The following GRIN2A variants were observed in gnomAD, a reference collection of about 807,000 sequenced individuals.
GRIN2A encodes glutamate ionotropic receptor NMDA type subunit 2A, also known as glutamate receptor ionotropic, NMDA 2A.
Under a neutral mutation model 113.4 loss-of-function variants are expected in GRIN2A, and 22 were observed. The observed-to-expected ratio is 0.19, with a 90% CI of 0.14 to 0.28. GRIN2A has a LOEUF of 0.28. GRIN2A is among the 10% of genes least tolerant of loss of function. GRIN2A has a pLI of 1.00. For synonymous variants in GRIN2A, 827 were observed against 738.4 expected (o/e 1.12, Z -1.94); for missense variants, 1,502 against 1,887.0 (o/e 0.80, Z 3.78).
chr16:10,044,377 A>G (rs1447141351), intron 2 of GRIN2A, among the ~76,000 whole-genome samples: 1 of 151,746 alleles, frequency 6.6e-6, no homozygotes, highest in African/African-American at 2.4e-5. Flanking sequence ...TTTTAAAATC[A>G]TGTGTACATG....
At chr16:10,020,152 G>A (rs1005350431) in intron 2 of GRIN2A, among the ~76,000 whole-genome samples, 5 of 152,178 alleles carry the variant, frequency 3.3e-5, no homozygotes, top group African/African-American at 7.2e-5. Flanking sequence ...AGTGGCTCAC[G>A]CCTGTAATCC....
At chr16:9,867,023 G>A (rs1366684512) in intron 4 of GRIN2A, among the ~76,000 whole-genome samples, 1 of 152,058 alleles carries the variant, frequency 6.6e-6, no homozygotes, top group Non-Finnish European at 1.5e-5. Context: ...TAGTCTATTT[G>A]TTCATGCCTT....
intron 11 of GRIN2A, among the ~76,000 whole-genome samples, chr16:9,773,391 G>T (rs1407582956): frequency 6.6e-6 from 1 of 152,152 alleles, no homozygotes; most frequent in Non-Finnish European, 1.5e-5. Flanking sequence ...CCAAGGAGTG[G>T]CTCTATGATA....
chr16:9,785,699 A>G (rs1355276770), intron 11 of GRIN2A, among the ~76,000 whole-genome samples: 1 of 152,148 alleles, frequency 6.6e-6, no homozygotes, highest in African/African-American at 2.4e-5. Flanking sequence ...AATTTAGAAC[A>G]CTAGATAAAA....
At chr16:9,765,696 G>T (rs1209521750) in intron 12 of GRIN2A, among the ~76,000 whole-genome samples, 1 of 152,298 alleles carries the variant, frequency 6.6e-6, no homozygotes, top group African/African-American at 2.4e-5. Context: ...AACCCCTGGA[G>T]CCACTCCCTT....
intron 2 of GRIN2A, among the ~76,000 whole-genome samples, chr16:10,009,596 T>C (rs2046466459): frequency 6.6e-6 from 1 of 152,024 alleles, no homozygotes; most frequent in Non-Finnish European, 1.5e-5. Flanking sequence ...GGGGTTGCAA[T>C]AGAGTCTGTG....
intron 4 of GRIN2A, among the ~76,000 whole-genome samples, chr16:9,873,559 AAC>A (rs1398095633): frequency 6.7e-6 from 1 of 148,308 alleles, no homozygotes; most frequent in African/African-American, 2.5e-5. Context: ...CAACAACAAC[AAC>A]AACAAACAAA....
At position 9,762,659 on chromosome 16, in the gene GRIN2A, C is replaced by A; in HGVS notation, c.*490G>T. On this transcript the variant is annotated 3_prime_UTR_variant, in exon 13 of 13. Transcript: ENST00000330684. ...TTCCTAATCTCTTGCACATGTCAAT[C>A]GCACTACAGTGCAGATGCATTCTTA... 4.0e-6 allele frequency: 1 copy of A among 250,698 alleles called. No homozygotes were observed. Among genetic ancestry groups the A allele is most frequent in the Non-Finnish European group, 7.8e-6 (1 of 128,130 alleles). 15.5% of individuals were successfully genotyped at this position (250,698 alleles called of 1,614,324 possible).
At position 9,758,884 on chromosome 16, in the gene GRIN2A, A is replaced by G. The variant is rs1900464650; in HGVS notation, c.*4265T>C. 4.6e-6 allele frequency: 1 copy of G among 219,324 alleles called. No individual in the cohort carries two copies. Among genetic ancestry groups the G allele is most frequent in the African/African-American group, 2.2e-5 (1 of 44,658 alleles). The allele number at this position is 219,324 out of a possible 1,614,324, so 13.6% of individuals were successfully genotyped here. ...AATTTTGTCTCCAGTGAAAATAAAC[A>G]GTACTTTTGGAAGGAAAATTGCCTT... On this transcript the variant is annotated 3_prime_UTR_variant, in exon 13 of 13. Coordinates refer to ENST00000330684, the MANE Select transcript of GRIN2A (RefSeq NM_001134407.3).
At chr16:9,933,260 G>A (rs909158869) in intron 3 of GRIN2A, among the ~76,000 whole-genome samples, 5 of 152,012 alleles carry the variant, frequency 3.3e-5, no homozygotes, top group Admixed American at 1.3e-4. Context: ...ACGGTTGGGT[G>A]TAAGGTCATG....
intron 2 of GRIN2A, among the ~76,000 whole-genome samples, chr16:10,090,588 A>C (rs368089823): frequency 6.6e-6 from 1 of 152,194 alleles, no homozygotes. Flanking sequence ...TCCTTGAAAA[A>C]AAAATTAGAG....
At chr16:9,837,901 A>C (rs922624912) in intron 7 of GRIN2A, among the ~76,000 whole-genome samples, 1 of 152,224 alleles carries the variant, frequency 6.6e-6, no homozygotes, top group African/African-American at 2.4e-5. Flanking sequence ...AATTGAAGCA[A>C]CGAGTGCAAA....
chr16:9,840,200 C>A (rs1322349622), intron 7 of GRIN2A, among the ~76,000 whole-genome samples: 1 of 152,010 alleles, frequency 6.6e-6, no homozygotes, highest in Non-Finnish European at 1.5e-5. Context: ...GCTGGGGAGT[C>A]CCCAGGAAAC....
At chr16:10,120,846 C>T (rs956934556) in intron 2 of GRIN2A, among the ~76,000 whole-genome samples, 1 of 152,036 alleles carries the variant, frequency 6.6e-6, no homozygotes, top group Non-Finnish European at 1.5e-5. Flanking sequence ...ACTCCCCTGC[C>T]CCATGGTCCC....
chr16:9,975,514 C>T (rs148296783), intron 2 of GRIN2A, among the ~76,000 whole-genome samples: 50 of 152,278 alleles, frequency 3.3e-4, no homozygotes, highest in Admixed American at 3.1e-3. Context: ...AGCCTGCCAT[C>T]CACAGACTGC....
At chr16:10,050,483 G>A (rs1403856535) in intron 2 of GRIN2A, among the ~76,000 whole-genome samples, 4 of 151,988 alleles carry the variant, frequency 2.6e-5, no homozygotes, top group Non-Finnish European at 4.4e-5. Flanking sequence ...CAACCCTATT[G>A]TGAACTGCAC....
chr16:9,863,122 T>C (rs141837766), intron 4 of GRIN2A, among the ~76,000 whole-genome samples: 1 of 152,208 alleles, frequency 6.6e-6, no homozygotes, highest in Admixed American at 6.5e-5. Flanking sequence ...CAGGAGCTGT[T>C]ACCACTGCCT....
At chr16:9,952,156 A>G (rs2045200416) in intron 2 of GRIN2A, among the ~76,000 whole-genome samples, 1 of 152,134 alleles carries the variant, frequency 6.6e-6, no homozygotes, top group Non-Finnish European at 1.5e-5. Context: ...AAAGAAAGTC[A>G]TGGAGCCACA....
chr16:9,986,571 T>G (rs2045982490), intron 2 of GRIN2A, among the ~76,000 whole-genome samples: 1 of 152,044 alleles, frequency 6.6e-6, no homozygotes, highest in Admixed American at 6.5e-5. Flanking sequence ...GAGACCAGTC[T>G]GGTCAACATA....
Sources: allele counts gnomAD v4.1 joint callset (sites outside exome capture counted in the v4.1 genomes callset), GRCh38; gene constraint gnomAD v4.1.1; transcripts MANE v1.5; gene names NCBI Gene and HGNC (gene_info 2026-07-23, HGNC 2026-07-21).